The following A2ML1 variants were observed in gnomAD, a reference collection of about 807,000 sequenced individuals.
A2ML1 encodes alpha-2-macroglobulin like 1.
A neutral mutation model predicts 181.9 loss-of-function variants in A2ML1; 161 were observed. The observed-to-expected ratio is 0.89, with a 90% CI of 0.78 to 1.01. A2ML1 has a LOEUF of 1.01. Among genes scored for constraint, A2ML1 ranks in the 50% least tolerant of loss-of-function variants. The pLI is 0.00. For missense variants in A2ML1, 1,670 were observed against 1,768.1 expected (o/e 0.94, Z 1.00); for synonymous variants, 663 against 666.8 (o/e 0.99, Z 0.09).
chr12:8,856,819 G>A (rs1038351102), intron 23 of A2ML1, among the ~76,000 whole-genome samples: 1 of 150,898 alleles, frequency 6.6e-6, no homozygotes, highest in Non-Finnish European at 1.5e-5. Context: ...TGTTGTAATG[G>A]TTTGCTCCTC....
chr12:8,823,225 G>A lies in A2ML1; in HGVS notation c.106G>A (p.Val36Ile), dbSNP rs1242821843. ...TLPARLNFPS[V>I]QKVCLDLSPG... ...ACCAGCCCGGCTAAATTTCCCCTCC[G>A]TTCAGAAGGTTTGTTTGGACCTGAG... The change falls in exon 2 of 36, where the codon GTT becomes ATT. Residue 36 changes from valine to isoleucine, a missense_variant. Coordinates refer to ENST00000299698, the MANE Select transcript of A2ML1 (RefSeq NM_144670.6). 10 of 1,613,896 alleles carry A rather than the reference G, an allele frequency of 6.2e-6. No homozygotes were observed. Among genetic ancestry groups the A allele is most frequent in the Non-Finnish European group, 5.1e-6 (6 of 1,180,014 alleles).
rs768266522 is a variant in A2ML1 at position 8,852,529 on chromosome 12, C to T, written c.2590+193C>T. 1.6e-4 allele frequency among the ~76,000 whole-genome samples: 24 copies of T among 152,186 alleles called. No individual in the cohort carries two copies. Among genetic ancestry groups the T allele is most frequent in the South Asian group, 4.1e-4 (2 of 4,820 alleles). Reference sequence around the variant, plus strand: ...GGTGACCAAACAAATTTGTTCAAACCGGAATATTTTGAGTGTGAAAGGGAG... The same window carrying T: ...GGTGACCAAACAAATTTGTTCAAACTGGAATATTTTGAGTGTGAAAGGGAG... On this transcript the variant is annotated intron_variant, in intron 20 of 35. Coordinates refer to ENST00000299698, the MANE Select transcript of A2ML1 (RefSeq NM_144670.6). The surrounding 1 kb of genome is among the most constrained non-coding windows in gnomAD (Gnocchi z 4.2).
At chr12:8,854,917 CG>C in intron 22 of A2ML1, 86 bp downstream of exon 22, 1 of 1,219,366 alleles carries the variant, frequency 8.2e-7, no homozygotes, top group Admixed American at 2.2e-5. Flanking sequence ...TTTTTTGAGA[CG>C]GAGTCTCGCT....
Position 8,829,780 on chromosome 12 carries a change from G to C in A2ML1, c.462+1G>C, listed in dbSNP as rs530578859. The C allele has an allele frequency of 1.3e-5, 21 of 1,614,002 alleles. No individual in the cohort carries two copies. Among genetic ancestry groups the C allele is most frequent in the Non-Finnish European group, 1.7e-5 (20 of 1,180,010 alleles). Reference sequence around the variant, plus strand: ...CAACTTCGTTCCAGTGAATGACAAGGTGAGTTGGGAGGAGGAGAAGGAGTG... The same window carrying C: ...CAACTTCGTTCCAGTGAATGACAAGCTGAGTTGGGAGGAGGAGAAGGAGTG... On this transcript the variant is annotated splice_donor_variant, in intron 4 of 35. Coordinates refer to ENST00000299698, the MANE Select transcript of A2ML1 (RefSeq NM_144670.6). LOFTEE classifies it high-confidence loss of function.
chr12:8,865,950 G>T (rs920261160), intron 29 of A2ML1, among the ~76,000 whole-genome samples: 10 of 152,084 alleles, frequency 6.6e-5, no homozygotes, highest in African/African-American at 2.2e-4. Context: ...TTTCACTGAA[G>T]ATATAACATG....
intron 4 of A2ML1, among the ~76,000 whole-genome samples, chr12:8,832,656 A>C (rs1413732623): frequency 6.6e-6 from 1 of 152,014 alleles, no homozygotes; most frequent in Non-Finnish European, 1.5e-5. Flanking sequence ...ATAACACCTT[A>C]ATCTTCAGGT....
At position 8,822,840 on chromosome 12, in the gene A2ML1, T is replaced by C. The variant is rs1211286825; in HGVS notation, c.62+127T>C. 3 of 864,314 alleles carry C rather than the reference T, an allele frequency of 3.5e-6. No homozygotes were observed. In the Admixed American group the frequency reaches 6.7e-5, roughly 19 times the overall value. The allele number at this position is 864,314 out of a possible 1,614,324, so 53.5% of individuals were successfully genotyped here. The stretch of plus-strand genomic sequence containing the variant: ...TTAATTTCCTCCTCCTTTTTTCTCT[T>C]CTTTGGTTCCACTGATCCTTTACCC... On this transcript the variant is annotated intron_variant, in intron 1 of 35. Transcript: ENST00000299698.
rs2136766763 is a variant in A2ML1 at position 8,836,409 on chromosome 12, G to A, written c.728+70G>A. ...GAGAGACATGATGAGGGGATGACAT[G>A]GGATGTGGGATTATGGGTGGGCCAA... On this transcript the variant is annotated intron_variant, in intron 7 of 35. Coordinates refer to ENST00000299698, the MANE Select transcript of A2ML1 (RefSeq NM_144670.6). 8.1e-6 allele frequency: 11 copies of A among 1,353,924 alleles called. 1 individual carries two copies. The Middle Eastern group carries it at 5.4e-4, about 66-fold the overall frequency. The allele number at this position is 1,353,924 out of a possible 1,614,324, so 83.9% of individuals were successfully genotyped here.
At position 8,828,727 on chromosome 12, in the gene A2ML1, A is replaced by G. The variant is rs753792089; in HGVS notation, c.410-1000A>G. Reference sequence around the variant, plus strand: ...ATGTGCTGAATCACTGGAAGCCAGCATGTCTCTGAGTCTCACCCAAGGCCC... The same window carrying G: ...ATGTGCTGAATCACTGGAAGCCAGCGTGTCTCTGAGTCTCACCCAAGGCCC... On this transcript the variant is annotated intron_variant, in intron 3 of 35. Transcript: ENST00000299698. Among the ~76,000 whole-genome samples the G allele has an allele frequency of 3.9e-5, 6 of 152,266 alleles. No homozygotes were observed. The South Asian group carries it at 1.2e-3, about 32-fold the overall frequency.
chr12:8,868,683 A>G, intron 32 of A2ML1, 56 bp downstream of exon 32: 1 of 1,519,234 alleles, frequency 6.6e-7, no homozygotes, highest in Non-Finnish European at 9.0e-7. Context: ...TAACGTTATA[A>G]TTTAAAAAAC....
At position 8,876,322 on chromosome 12, in the gene A2ML1, C is replaced by T. The variant is rs1944798907; in HGVS notation, c.*266C>T. 1 of 152,198 alleles carries T rather than the reference C, an allele frequency of 6.6e-6. No homozygotes were observed. 9.4% of individuals were successfully genotyped at this position (152,198 alleles called of 1,614,324 possible). On this transcript the variant is annotated 3_prime_UTR_variant, in exon 36 of 36. Transcript: ENST00000299698. ...AGGTGGTTTAGCTGTTTTATTTAGC[C>T]ATTCAGGGGGCTCTCCAGAGAGGAG...
At position 8,852,159 on chromosome 12, in the gene A2ML1, A is replaced by G; in HGVS notation, c.2464-51A>G. 3 of 1,611,246 alleles carry G rather than the reference A, an allele frequency of 1.9e-6. No individual in the cohort carries two copies. Among genetic ancestry groups the G allele is most frequent in the Non-Finnish European group, 2.5e-6 (3 of 1,178,672 alleles). The stretch of plus-strand genomic sequence containing the variant: ...AGCCCCCAGGTTTCCCCAGGCCTCT[A>G]TGCACTACCTCCTTTGTTTGTACCC... On this transcript the variant is annotated intron_variant, in intron 19 of 35. Transcript: ENST00000299698. This position sits in a 1 kb window ranked among gnomAD's most constrained non-coding sequence, Gnocchi z 4.2.
chr12:8,857,490 C>A lies in A2ML1; in HGVS notation c.3026-17C>A, dbSNP rs986932259. The A allele has an allele frequency of 6.2e-7, 1 of 1,611,156 alleles. No homozygotes were observed. The highest frequency in any genetic ancestry group is 8.5e-7 in the Non-Finnish European group (1 of 1,178,894). ...TGAAGTTGTCGCTGTGATCTAAAAC[C>A]ACATTTGGCTTCCCAGGGTACCAGA... On this transcript the variant is annotated splice_polypyrimidine_tract_variant and intron_variant, in intron 24 of 35. Coordinates refer to ENST00000299698, the MANE Select transcript of A2ML1 (RefSeq NM_144670.6).
Position 8,868,274 on chromosome 12 carries a change from C to A in A2ML1, c.3978C>A (p.Thr1326=). ...YNILPPTNMK[T]FSLSVEIGKA... ...TTCTCCCTCCCACAAATATGAAGAC[C>A]TTTAGTCTTAGTGTGGAAATAGGAA... Residue 1326 remains threonine (T), a synonymous_variant, in exon 31 of 36, where the codon ACC becomes ACA. Coordinates refer to ENST00000299698, the MANE Select transcript of A2ML1 (RefSeq NM_144670.6). The A allele has an allele frequency of 6.2e-7, 1 of 1,613,906 alleles. No homozygotes were observed. Among genetic ancestry groups the A allele is most frequent in the Non-Finnish European group, 8.5e-7 (1 of 1,179,970 alleles).
intron 33 of A2ML1, 49 bp downstream of exon 33, chr12:8,869,252 C>T: frequency 6.4e-7 from 1 of 1,573,620 alleles, no homozygotes; most frequent in Non-Finnish European, 8.7e-7. Context: ...TACGGATCTT[C>T]ATGACTTCCC....
At chr12:8,854,952 T>TGGAACGATTTCAGCTCATTGCAAC in intron 22 of A2ML1, 121 bp downstream of exon 22, 1 of 1,066,668 alleles carries the variant, frequency 9.4e-7, no homozygotes, top group Non-Finnish European at 1.4e-6. Flanking sequence ...TGGATTGCAG[T>TGGAACGATTTCAGCTCATTGCAAC]GGCACGATTT....
chr12:8,861,378 C>A, intron 28 of A2ML1, 81 bp downstream of exon 28: 1 of 1,457,046 alleles, frequency 6.9e-7, no homozygotes, highest in Admixed American at 1.8e-5. Context: ...TAACCTCTGT[C>A]CCACACATGT....
In A2ML1 at chr12:8,836,239, C is replaced by T. The variant is rs369163411; in HGVS notation, c.644-16C>T. 1 of 1,612,370 alleles carries T rather than the reference C, an allele frequency of 6.2e-7. No homozygotes were observed. The highest frequency in any genetic ancestry group is 1.3e-5 in the African/African-American group (1 of 74,860). On this transcript the variant is annotated splice_polypyrimidine_tract_variant and intron_variant, in intron 6 of 35. Transcript: ENST00000299698. ...TCCTCCAGTGCTTTCTCCATTTCTC[C>T]TTTTACTCTCTTCAGTGCTGCCGAA...
chr12:8,880,792 A>C (rs762670123), downstream of A2ML1, among the ~76,000 whole-genome samples: 2 of 152,316 alleles, frequency 1.3e-5, no homozygotes, highest in Admixed American at 1.3e-4. Context: ...TTAATTAATA[A>C]CATCTCAGAG....
Sources: gnomAD v4.1 joint callset for allele counts (sites outside exome capture counted in the v4.1 genomes callset) on GRCh38, gnomAD v4.1.1 for gene constraint, Gnocchi (gnomAD v3.1) non-coding constraint, MANE v1.5 for transcripts, NCBI Gene and HGNC (gene_info 2026-07-23, HGNC 2026-07-21) for gene names.